Variants in ZNF827 observed in about 807,000 individuals in gnomAD.
The protein encoded by ZNF827 is zinc finger protein 827.
Under a neutral mutation model 102.4 loss-of-function variants are expected in ZNF827, and 13 were observed. The observed-to-expected ratio is 0.13, with a 90% CI of 0.08 to 0.20. The LOEUF is 0.20. Ranked by LOEUF, ZNF827 falls within the 10% of genes least tolerant of loss-of-function variation. The pLI, the probability that ZNF827 is intolerant of heterozygous loss-of-function variation, is 1.00. For synonymous variants in ZNF827, 523 were observed against 536.2 expected, an observed-to-expected ratio of 0.98 and a Z score of 0.34; for missense variants, 1,103 against 1,344.4, an observed-to-expected ratio of 0.82 and a Z score of 2.81.
rs1249833400 is a variant in ZNF827, at chr4:145,774,686, TAAAAG to T, written c.2694-19_2694-15del. 4.3e-6 allele frequency: 7 copies of T among 1,609,610 alleles called. No homozygotes were observed. The South Asian group carries it at 7.8e-5, about 18-fold the overall frequency. ...CACACGTGACAACTACATGAAAGGGTAAAAGAAAAGAGGGGGAGAGAAAAGGGTGA... is the reference window on the plus strand; with the variant it reads ...CACACGTGACAACTACATGAAAGGGTAAAAGAGGGGGAGAGAAAAGGGTGA... On this transcript the variant is annotated splice_polypyrimidine_tract_variant and intron_variant, in intron 10 of 14. Coordinates refer to ENST00000508784, the MANE Select transcript of ZNF827 (RefSeq NM_001306215.2).
chr4:145,805,543 G>C (rs1487369111), intron 8 of ZNF827, among the ~76,000 whole-genome samples: 1 of 152,072 alleles, frequency 6.6e-6, no homozygotes, highest in Non-Finnish European at 1.5e-5. Flanking sequence ...ACCTTTCTTT[G>C]CCTCTTTTAT....
chr4:145,872,440 C>A, intron 4 of ZNF827, among the ~76,000 whole-genome samples: 1 of 152,196 alleles, frequency 6.6e-6, no homozygotes, highest in Non-Finnish European at 1.5e-5. Context: ...ACCAAACCTG[C>A]TGACACCTTG....
At chr4:145,830,197 G>A (rs1304535610) in intron 7 of ZNF827, among the ~76,000 whole-genome samples, 4 of 152,058 alleles carry the variant, frequency 2.6e-5, no homozygotes, top group Non-Finnish European at 2.9e-5. Flanking sequence ...AGAACAAACC[G>A]GAAATGTTTT....
At chr4:145,912,532 A>G (rs1752364829) in intron 1 of ZNF827, among the ~76,000 whole-genome samples, 1 of 152,246 alleles carries the variant, frequency 6.6e-6, no homozygotes, top group Admixed American at 6.5e-5. Context: ...TCTAACCCCC[A>G]GTACATGTGA....
At position 145,902,918 on chromosome 4, in the gene ZNF827, C is replaced by T. The variant is rs768821692; in HGVS notation, c.341G>A (p.Gly114Asp). The change falls in exon 2 of 15, where the codon GGC becomes GAC. Residue 114 changes from glycine to aspartate, a missense_variant. Coordinates refer to ENST00000508784, the MANE Select transcript of ZNF827 (RefSeq NM_001306215.2). The surrounding 1 kb of genome is among the most constrained non-coding windows in gnomAD (Gnocchi z 4.3). The part of the protein sequence containing the change: ...GVSSLCDDDP[G>D]SNKPLSSNLR... ...ATTGCTGCTCAGGGGCTTGTTGGAG[C>T]CTGGGTCATCGTCACACAAAGAAGA... The T allele has an allele frequency of 6.2e-7, 1 of 1,614,152 alleles. No individual in the cohort carries two copies. Among genetic ancestry groups the T allele is most frequent in the Admixed American group, 1.7e-5 (1 of 60,026 alleles).
At chr4:145,777,399 T>A (rs1321768322) in intron 9 of ZNF827, among the ~76,000 whole-genome samples, 2 of 152,224 alleles carry the variant, frequency 1.3e-5, no homozygotes, top group Admixed American at 1.3e-4. Context: ...TAGAAAGAAC[T>A]CACCAGCGAA....
intron 1 of ZNF827, among the ~76,000 whole-genome samples, chr4:145,932,506 G>A (rs948023975): frequency 6.9e-6 from 1 of 145,638 alleles, no homozygotes; most frequent in East Asian, 2.0e-4. Context: ...ACGGAGTCTC[G>A]CTCTGTCGAA....
At chr4:145,764,475 G>A (rs1188201292) in intron 13 of ZNF827, among the ~76,000 whole-genome samples, 3 of 152,192 alleles carry the variant, frequency 2.0e-5, no homozygotes, top group Non-Finnish European at 4.4e-5. Context: ...ACATCAGTAT[G>A]TTTGCAGGAG....
chr4:145,870,612 C>A, intron 4 of ZNF827, 134 bp from the exon 5 acceptor site: 1 of 751,760 alleles, frequency 1.3e-6, no homozygotes, highest in South Asian at 1.9e-5. Context: ...CTCATCAGAA[C>A]AGGCTGGGCC....
intron 1 of ZNF827, among the ~76,000 whole-genome samples, chr4:145,912,388 T>G (rs1054473374): frequency 1.3e-5 from 2 of 152,222 alleles, no homozygotes; most frequent in Admixed American, 1.3e-4. Context: ...CAGAGACTCT[T>G]TCTCCTATAC....
In ZNF827 at chr4:145,775,839, G is replaced by T. The variant is rs140296430; in HGVS notation, c.2643C>A (p.Ser881Arg). Residue 881 changes from serine to arginine, a missense_variant, in exon 10 of 15, where the codon AGC (serine) becomes AGA (arginine). By Grantham distance (110) the Ser-to-Arg change is moderately radical. This residue lies in a region of ZNF827 where 242 missense variants were observed against 361.9 expected (regional missense o/e 0.67). Transcript: ENST00000508784. ...CATCACTGCCTTCAGAGGTGACGGC[G>T]CTGACAATGTCCTCGGTGTCTGTAC... is the stretch of plus-strand genomic sequence containing the variant. The part of the protein sequence containing the change: ...LVSTDTEDIV[S>R]AVTSEGSDGK... The T allele has an allele frequency of 6.2e-7, 1 of 1,614,034 alleles. No individual in the cohort carries two copies. The highest frequency in any genetic ancestry group is 1.7e-5 in the Admixed American group (1 of 59,998).
At chr4:145,882,977 T>C (rs1749800352) in intron 4 of ZNF827, among the ~76,000 whole-genome samples, 1 of 151,650 alleles carries the variant, frequency 6.6e-6, no homozygotes, top group Admixed American at 6.6e-5. Flanking sequence ...CCCTAAATCA[T>C]ATCCACAGAC....
rs1754421015 is a variant in ZNF827, at chr4:145,938,782, T to C, written c.-375A>G. ...AAATGAGTGCCGGTGCGGCGGTGTC[T>C]ATGGCCGCGCTCTGTGTCTCCGAGC... is the stretch of plus-strand genomic sequence containing the variant. On this transcript the variant is annotated 5_prime_UTR_variant, in exon 1 of 15. It adds an upstream start codon to the 5' untranslated region. Coordinates refer to ENST00000508784, the MANE Select transcript of ZNF827 (RefSeq NM_001306215.2). 1.4e-5 allele frequency: 3 copies of C among 217,452 alleles called. No individual in the cohort carries two copies. In the South Asian group the frequency reaches 3.0e-4, roughly 22 times the overall value. 13.5% of individuals were successfully genotyped at this position (217,452 alleles called of 1,614,324 possible). A position where few individuals can be genotyped will look rare whatever the true frequency, so the allele number is the denominator to read the frequency against.
chr4:145,886,392 G>A (rs374697131), intron 3 of ZNF827, among the ~76,000 whole-genome samples: 137 of 152,224 alleles, frequency 9.0e-4, no homozygotes, highest in Middle Eastern at 3.4e-3. Flanking sequence ...GGATGCAGCC[G>A]GCCAACGGAT....
At chr4:145,877,831 G>A (rs1003453869) in intron 4 of ZNF827, among the ~76,000 whole-genome samples, 5 of 152,162 alleles carry the variant, frequency 3.3e-5, no homozygotes, top group East Asian at 1.9e-4. Context: ...TATCTCCCTC[G>A]TCAAAAGCAG....
rs116355353 is a variant in ZNF827 at position 145,880,424 on chromosome 4, G to A, written c.1747+5254C>T. On this transcript the variant is annotated intron_variant, in intron 4 of 14. Transcript: ENST00000508784. ...AAATAATAAGCAATGAGTAACTAGC[G>A]TAAGAACTCTGTCCATGCAAGTTTC... is the stretch of plus-strand genomic sequence containing the variant. 3.7e-3 allele frequency among the ~76,000 whole-genome samples: 556 copies of A among 152,296 alleles called. 2 individuals are homozygous for A. The highest frequency in any genetic ancestry group is 0.012 in the African/African-American group (511 of 41,566).
rs562758416 is a variant in ZNF827, at chr4:145,888,060, G to A, written c.1267-1902C>T. 5.9e-5 allele frequency among the ~76,000 whole-genome samples: 9 copies of A among 152,320 alleles called. No individual in the cohort carries two copies. The South Asian group carries it at 6.2e-4, about 11-fold the overall frequency. The stretch of plus-strand genomic sequence containing the variant: ...AAAAGGGAGTCCTGGATTAAAAACC[G>A]TCTATGTGCATGTATTTTATGTGAC... On this transcript the variant is annotated intron_variant, in intron 3 of 14. Coordinates refer to ENST00000508784, the MANE Select transcript of ZNF827 (RefSeq NM_001306215.2).
intron 5 of ZNF827, among the ~76,000 whole-genome samples, chr4:145,862,322 G>A (rs1214983669): frequency 6.6e-6 from 1 of 152,162 alleles, no homozygotes; most frequent in Non-Finnish European, 1.5e-5. Context: ...TCTAGCCTCT[G>A]AGCTTAACAA....
In ZNF827 at chr4:145,911,761, C is replaced by T. The variant is rs72956672; in HGVS notation, c.44-8546G>A. On this transcript the variant is annotated intron_variant, in intron 1 of 14. Coordinates refer to ENST00000508784, the MANE Select transcript of ZNF827 (RefSeq NM_001306215.2). ...AGGCAGTGCTTGAGCTCAGATGTCCCAATACTACTAAATCATGGTACTTTT... is the reference window on the plus strand; with the variant it reads ...AGGCAGTGCTTGAGCTCAGATGTCCTAATACTACTAAATCATGGTACTTTT... 5.4e-3 allele frequency among the ~76,000 whole-genome samples: 827 copies of T among 152,144 alleles called. 13 individuals are homozygous for T. Among genetic ancestry groups the T allele is most frequent in the African/African-American group, 0.019 (803 of 41,500 alleles).
Sources: allele counts gnomAD v4.1 joint callset (sites outside exome capture counted in the v4.1 genomes callset), GRCh38; gene constraint gnomAD v4.1.1; regional missense constraint gnomAD v4.1.1; non-coding constraint Gnocchi (gnomAD v3.1); transcripts MANE v1.5; gene names NCBI Gene and HGNC (gene_info 2026-07-23, HGNC 2026-07-21).